SORBS2: variants seen among roughly 807,000 people sequenced by gnomAD.
SORBS2 encodes sorbin and SH3 domain containing 2.
A neutral mutation model predicts 97.7 loss-of-function variants in SORBS2; 46 were observed. The observed-to-expected ratio is 0.47, with a 90% confidence interval of 0.37 to 0.60. The LOEUF is 0.60. Ranked by LOEUF, SORBS2 falls within the 20% of genes least tolerant of loss-of-function variation. The pLI, the probability that SORBS2 is intolerant of heterozygous loss-of-function variation, is 0.00. For synonymous variants in SORBS2, 476 were observed against 473.4 expected (o/e 1.01, Z -0.07); for missense variants, 1,316 against 1,282.3 (o/e 1.03, Z -0.40).
intron 2 of SORBS2, among the ~76,000 whole-genome samples, chr4:185,704,122 T>C (rs1428127674): frequency 6.6e-6 from 1 of 152,178 alleles, no homozygotes; most frequent in Admixed American, 6.5e-5. Context: ...TTATCAAAAG[T>C]AAAGACAGCC....
intron 2 of SORBS2, 143 bp from the exon 11 acceptor site, chr4:185,651,971 T>A: frequency 4.9e-6 from 3 of 606,580 alleles, no homozygotes; most frequent in Non-Finnish European, 8.7e-6. Context: ...CTTTCTTTTT[T>A]TCTTTTTTTT....
chr4:185,590,436 AT>A (rs1186980600), intron 13 of SORBS2, among the ~76,000 whole-genome samples: 1 of 152,178 alleles, frequency 6.6e-6, no homozygotes, highest in African/African-American at 2.4e-5. Context: ...GAATTGGAAG[AT>A]TTGATGTAAT....
At chr4:185,877,532 A>G (rs1177098324) in intron 1 of SORBS2, among the ~76,000 whole-genome samples, 1 of 152,176 alleles carries the variant, frequency 6.6e-6, no homozygotes, top group South Asian at 2.1e-4. Flanking sequence ...TTGGATAATC[A>G]TATACTGAAA....
chr4:185,629,804 T>A (rs13144216), intron 5 of SORBS2, among the ~76,000 whole-genome samples: 1 of 151,658 alleles, frequency 6.6e-6, no homozygotes, highest in African/African-American at 2.4e-5. Context: ...CTCATGATCT[T>A]CCCCCCTCAG....
intron 2 of SORBS2, among the ~76,000 whole-genome samples, chr4:185,767,302 G>T (rs13113645): frequency 0.24 from 34,023 of 141,538 alleles, 4,593 homozygotes; most frequent in Admixed American, 0.3. Flanking sequence ...ATCGAGACCA[G>T]CCTGGCTAAC....
intron 1 of SORBS2, among the ~76,000 whole-genome samples, chr4:185,932,681 C>T (rs781279475): frequency 8.5e-5 from 13 of 152,132 alleles, no homozygotes; most frequent in African/African-American, 2.7e-4. Flanking sequence ...GCATCTGAGA[C>T]CAGCCTCTGC....
exon 7 of SORBS2, chr4:185,624,258 G>A: frequency 6.2e-7 from 1 of 1,614,206 alleles, no homozygotes; most frequent in Non-Finnish European, 8.5e-7. Context: ...TCGTTTAGGA[G>A]ATCGTCACAG....
At chr4:185,805,456 A>T (rs1407576101) in intron 1 of SORBS2, among the ~76,000 whole-genome samples, 3 of 152,206 alleles carry the variant, frequency 2.0e-5, no homozygotes, top group Admixed American at 6.5e-5. Flanking sequence ...AATATGCAGT[A>T]TGTTGACCTG....
intron 2 of SORBS2, among the ~76,000 whole-genome samples, chr4:185,688,290 G>A (rs1204295768): frequency 6.6e-6 from 1 of 151,916 alleles, no homozygotes; most frequent in Non-Finnish European, 1.5e-5. Context: ...TTTAGCCGTG[G>A]TGACCAACAC....
chr4:185,736,429 A>G (rs2098688237), intron 2 of SORBS2, among the ~76,000 whole-genome samples: 1 of 152,228 alleles, frequency 6.6e-6, no homozygotes, highest in African/African-American at 2.4e-5. Context: ...CCACAAAGCA[A>G]CTGGGCATTC....
intron 2 of SORBS2, among the ~76,000 whole-genome samples, chr4:185,689,499 G>A (rs148504116): frequency 2.0e-3 from 299 of 152,282 alleles, no homozygotes; most frequent in African/African-American, 6.9e-3. Context: ...AACTTCTCTT[G>A]ATTGCTGAGC....
At chr4:185,759,617 T>G (rs1343686033) in intron 2 of SORBS2, among the ~76,000 whole-genome samples, 22 of 12,538 alleles carry the variant, frequency 1.8e-3, no homozygotes, top group African/African-American at 5.0e-3. Context: ...TTGAAAGGGT[T>G]TTTTTTTTTT....
intron 4 of SORBS2, among the ~76,000 whole-genome samples, chr4:185,668,869 A>C (rs888516962): frequency 3.9e-5 from 6 of 152,196 alleles, no homozygotes; most frequent in African/African-American, 1.4e-4. Flanking sequence ...GTGAGTATAA[A>C]TTGTTTTTTC....
rs1224668040 is a variant in SORBS2, at chr4:185,879,165, T to TCC, written c.-338+77029_-338+77030dup. On this transcript the variant is annotated intron_variant, in intron 1 of 20. Coordinates refer to the SORBS2 transcript ENST00000284776. Reference sequence around the variant, plus strand: ...TAGGTATATCTCCTAATGCTATCCCTCCCCCCCCCCCACCCCACGACAGGC... The same window carrying TCC: ...TAGGTATATCTCCTAATGCTATCCCTCCCCCCCCCCCCCACCCCACGACAGGC... Among the ~76,000 whole-genome samples, 167 of 57,130 alleles carry TCC rather than the reference T, an allele frequency of 2.9e-3. 3 individuals are homozygous for TCC. The highest frequency in any genetic ancestry group is 7.3e-3 in the African/African-American group (73 of 10,040). The allele number at this position is 57,130 out of a possible 152,430, so 37.5% of individuals were successfully genotyped here.
At chr4:185,783,629 C>T (rs55841174) in intron 1 of SORBS2, among the ~76,000 whole-genome samples, 6 of 151,984 alleles carry the variant, frequency 3.9e-5, no homozygotes, top group Non-Finnish European at 5.9e-5. Context: ...AAAAAAAATG[C>T]GAAGTCTTTG....
intron 1 of SORBS2, among the ~76,000 whole-genome samples, chr4:185,654,216 T>C (rs547207104): frequency 6.6e-6 from 1 of 152,166 alleles, no homozygotes; most frequent in Non-Finnish European, 1.5e-5. Context: ...GGACGGGACA[T>C]GGTGGAAGGG....
intron 1 of SORBS2, among the ~76,000 whole-genome samples, chr4:185,911,013 T>C (rs77358566): frequency 0.014 from 2,066 of 152,176 alleles, 33 homozygotes; most frequent in African/African-American, 0.036. Flanking sequence ...CATTGAGTCA[T>C]TTAATATTCA....
At chr4:185,815,596 T>A (rs1306555696) in intron 1 of SORBS2, among the ~76,000 whole-genome samples, 1 of 152,042 alleles carries the variant, frequency 6.6e-6, no homozygotes, top group Admixed American at 6.6e-5. Context: ...ACAAATATAT[T>A]ATCATCAAAG....
intron 2 of SORBS2, among the ~76,000 whole-genome samples, chr4:185,745,860 T>C (rs919578028): frequency 3.9e-5 from 6 of 152,220 alleles, no homozygotes; most frequent in African/African-American, 1.2e-4. Context: ...TGACTGTTAC[T>C]GCCATTTTGG....
Sources: gnomAD v4.1 joint callset for allele counts (sites outside exome capture counted in the v4.1 genomes callset) on GRCh38, gnomAD v4.1.1 for gene constraint, MANE v1.5 for transcripts, NCBI Gene and HGNC (gene_info 2026-07-23, HGNC 2026-07-21) for gene names.